The following C10orf90 variants were observed in gnomAD, a reference collection of about 807,000 sequenced individuals.
C10orf90 encodes chromosome 10 open reading frame 90.
In C10orf90, 56 loss-of-function variants were observed where a neutral mutation model predicts 62.5. The ratio of observed to expected loss-of-function variants is 0.90; its 90% CI spans 0.72 to 1.12. C10orf90 has a LOEUF of 1.12. Among genes scored for constraint, C10orf90 ranks in the 50% most tolerant of loss-of-function variants. The pLI is 0.00. For missense variants in C10orf90, 970 were observed against 880.4 expected (o/e 1.10, Z -1.29); for synonymous variants, 386 against 340.4 (o/e 1.13, Z -1.47).
intron 2 of C10orf90, among the ~76,000 whole-genome samples, chr10:126,544,260 C>T (rs1864439941): frequency 6.6e-6 from 1 of 152,178 alleles, no homozygotes; most frequent in Non-Finnish European, 1.5e-5. Flanking sequence ...TGCATCTGCT[C>T]ATAGACCATG....
At chr10:126,565,758 A>G (rs1353448936) in intron 2 of C10orf90, among the ~76,000 whole-genome samples, 1 of 152,058 alleles carries the variant, frequency 6.6e-6, no homozygotes, top group African/African-American at 2.4e-5. Context: ...TCAGCCTTTG[A>G]TGTGGCCCAG....
chr10:126,436,213 G>A (rs1007548441), intron 7 of C10orf90, among the ~76,000 whole-genome samples: 62 of 152,250 alleles, frequency 4.1e-4, no homozygotes, highest in African/African-American at 1.3e-3. Context: ...GAATCCCAGC[G>A]GAGGACTCCT....
At chr10:126,519,585 G>A (rs145324184) in intron 2 of C10orf90, among the ~76,000 whole-genome samples, 319 of 152,198 alleles carry the variant, frequency 2.1e-3, no homozygotes, top group African/African-American at 7.4e-3. Flanking sequence ...TGGAAGTCAA[G>A]GTTTATTCTG....
intron 2 of C10orf90, among the ~76,000 whole-genome samples, chr10:126,517,791 T>G (rs957686137): frequency 5.3e-5 from 8 of 151,452 alleles, no homozygotes; most frequent in African/African-American, 1.7e-4. Flanking sequence ...GCATCTGTAT[T>G]CCCAGCTACT....
intron 2 of C10orf90, among the ~76,000 whole-genome samples, chr10:126,532,803 C>G (rs907734903): frequency 5.3e-5 from 4 of 75,564 alleles, no homozygotes; most frequent in Non-Finnish European, 7.1e-5. Flanking sequence ...CGCCACTGCA[C>G]TCCAGCTCCA....
chr10:126,478,922 T>C (rs7900170), intron 4 of C10orf90, among the ~76,000 whole-genome samples: 32,747 of 151,866 alleles, frequency 0.22, 4,324 homozygotes, highest in African/African-American at 0.39. Context: ...GAAGCGGGGG[T>C]GACATCAGCC....
At chr10:126,565,445 C>T (rs1426911137) in intron 2 of C10orf90, among the ~76,000 whole-genome samples, 3 of 66,472 alleles carry the variant, frequency 4.5e-5, no homozygotes, top group South Asian at 4.6e-4. Context: ...TATACACACA[C>T]ACACACACAC....
intron 8 of C10orf90, among the ~76,000 whole-genome samples, chr10:126,428,916 C>T (rs1857412869): frequency 6.6e-6 from 1 of 152,026 alleles, no homozygotes; most frequent in Non-Finnish European, 1.5e-5. Context: ...TACAAAGAGG[C>T]CTCCAATAAA....
chr10:126,461,552 A>AT lies in C10orf90; in HGVS notation c.1858dup (p.Ile620AsnfsTer5). 1 of 1,613,764 alleles carries AT rather than the reference A, an allele frequency of 6.2e-7. No homozygotes were observed. Among genetic ancestry groups the AT allele is most frequent in the Non-Finnish European group, 8.5e-7 (1 of 1,179,906 alleles). Reference sequence around the variant, plus strand: ...GTCCTCACTCTTCTTACATTCCTTTATTTTTACAACCAAGTCACAGCATGT... The same window carrying AT: ...GTCCTCACTCTTCTTACATTCCTTTATTTTTTACAACCAAGTCACAGCATGT... On this transcript the variant is annotated frameshift_variant, in exon 6 of 10. Transcript: ENST00000488181. LOFTEE classifies it high-confidence loss of function.
At chr10:126,471,737 G>A (rs755244391) in intron 4 of C10orf90, among the ~76,000 whole-genome samples, 2 of 152,076 alleles carry the variant, frequency 1.3e-5, no homozygotes, top group African/African-American at 2.4e-5. Context: ...CTGCAAAGTA[G>A]GAATATATAT....
At chr10:126,573,328 G>A (rs1844546665) in intron 2 of C10orf90, among the ~76,000 whole-genome samples, 3 of 152,294 alleles carry the variant, frequency 2.0e-5, no homozygotes, top group East Asian at 1.9e-4. Flanking sequence ...TAACATAACC[G>A]ATTAGGTCAG....
At chr10:126,430,999 C>T (rs1030548931) in intron 7 of C10orf90, among the ~76,000 whole-genome samples, 4 of 152,128 alleles carry the variant, frequency 2.6e-5, no homozygotes, top group African/African-American at 7.2e-5. Context: ...AACAGAGTGG[C>T]TAAGCTTGTC....
chr10:126,546,092 G>A (rs1236745096), intron 2 of C10orf90, among the ~76,000 whole-genome samples: 1 of 151,902 alleles, frequency 6.6e-6, no homozygotes, highest in African/African-American at 2.4e-5. Flanking sequence ...AAACATCAAG[G>A]GCCAAAGACA....
At chr10:126,428,829 A>G (rs1401183885) in intron 8 of C10orf90, among the ~76,000 whole-genome samples, 1 of 152,144 alleles carries the variant, frequency 6.6e-6, no homozygotes, top group Non-Finnish European at 1.5e-5. Context: ...GTGGCCCTTT[A>G]AAAACTCCAA....
intron 7 of C10orf90, among the ~76,000 whole-genome samples, chr10:126,458,205 A>G (rs1859710934): frequency 6.6e-6 from 1 of 152,134 alleles, no homozygotes; most frequent in South Asian, 2.1e-4. Flanking sequence ...ACTTTATTGA[A>G]CATGGTTATT....
chr10:126,486,919 G>C (rs1861465417), intron 4 of C10orf90, among the ~76,000 whole-genome samples: 1 of 151,948 alleles, frequency 6.6e-6, no homozygotes. Context: ...AAGGGGGGTG[G>C]ATCACCTGAG....
At chr10:126,664,461 T>G (rs2133876065) in intron 1 of C10orf90, among the ~76,000 whole-genome samples, 1 of 152,174 alleles carries the variant, frequency 6.6e-6, no homozygotes, top group Non-Finnish European at 1.5e-5. Flanking sequence ...TATTATCATT[T>G]TTCCTATGAA....
At chr10:126,612,494 T>G (rs1342260493) in intron 2 of C10orf90, among the ~76,000 whole-genome samples, 1 of 152,054 alleles carries the variant, frequency 6.6e-6, no homozygotes, top group Non-Finnish European at 1.5e-5. Flanking sequence ...CTAATCAGAG[T>G]GGCTTTGTCT....
intron 2 of C10orf90, among the ~76,000 whole-genome samples, chr10:126,547,414 CAAA>C (rs55740296): frequency 1.0e-4 from 13 of 125,256 alleles, no homozygotes; most frequent in South Asian, 5.2e-4. Flanking sequence ...GCAAGACTGT[CAAA>C]AAAAAAAAAA....
Sources: gnomAD v4.1 joint callset for allele counts (sites outside exome capture counted in the v4.1 genomes callset) on GRCh38, gnomAD v4.1.1 for gene constraint, MANE v1.5 for transcripts, NCBI Gene and HGNC (gene_info 2026-07-23, HGNC 2026-07-21) for gene names.